The following DYNLT2B variants were observed in gnomAD, a reference collection of about 807,000 sequenced individuals.
DYNLT2B encodes dynein light chain Tctex-type 2B.
DYNLT2B carries 14 observed loss-of-function variants against 19.5 expected under a neutral mutation model. The observed-to-expected ratio is 0.72, with a 90% CI of 0.47 to 1.12. The LOEUF is 1.12. Ranked by LOEUF, DYNLT2B falls within the 50% of genes most tolerant of loss-of-function variation. The pLI is 0.00. For synonymous variants in DYNLT2B, 70 were observed against 59.7 expected (o/e 1.17, Z -0.79); for missense variants, 133 against 174.7 (o/e 0.76, Z 1.35).
chr3:196,308,475 G>C (rs776799950), intron 2 of DYNLT2B, among the ~76,000 whole-genome samples: 3 of 152,192 alleles, frequency 2.0e-5, no homozygotes, highest in Non-Finnish European at 4.4e-5. Flanking sequence ...AAACTACGTT[G>C]CTAAAGCAGC....
intron 4 of DYNLT2B, chr3:196,292,431 G>C (rs1726114208): frequency 6.6e-6 from 1 of 152,190 alleles, no homozygotes; most frequent in African/African-American, 2.4e-5. Context: ...CTACGACAGT[G>C]CTGTGATAAA....
intron 2 of DYNLT2B, among the ~76,000 whole-genome samples, chr3:196,311,518 G>A (rs1411176685): frequency 6.6e-6 from 1 of 151,998 alleles, no homozygotes; most frequent in Non-Finnish European, 1.5e-5. Context: ...GTAACGAATG[G>A]AATAGGAAAC....
At chr3:196,312,389 T>C (rs1726666529) in intron 2 of DYNLT2B, among the ~76,000 whole-genome samples, 2 of 151,964 alleles carry the variant, frequency 1.3e-5, no homozygotes, top group Non-Finnish European at 2.9e-5. Flanking sequence ...TACCACTGAA[T>C]GTCAGAGGGC....
intron 2 of DYNLT2B, among the ~76,000 whole-genome samples, chr3:196,315,633 G>A (rs574400656): frequency 6.6e-6 from 1 of 152,008 alleles, no homozygotes; most frequent in East Asian, 2.0e-4. Flanking sequence ...AGCACCTTGA[G>A]AGGCCGAGGC....
chr3:196,295,854 A>G, intron 4 of DYNLT2B, 152 bp downstream of exon 4: 7 of 654,302 alleles, frequency 1.1e-5, no homozygotes. Context: ...CTGCTTTAGT[A>G]ACACAAAAAC....
chr3:196,316,934 GGT>G lies in DYNLT2B; in HGVS notation c.114-705_114-704del, dbSNP rs367746234. Reference sequence around the variant, plus strand: ...TGTGTGGTGTGTGTGTGTGTTGTGTGGTGTGTGTGTGTGTGTGTAAAGTTAGT... The same window carrying G: ...TGTGTGGTGTGTGTGTGTGTTGTGTGGTGTGTGTGTGTGTGTAAAGTTAGT... On this transcript the variant is annotated intron_variant, in intron 1 of 4. Coordinates refer to ENST00000325318, the MANE Select transcript of DYNLT2B (RefSeq NM_152773.5). Among the ~76,000 whole-genome samples, 137 of 76,684 alleles carry G rather than the reference GGT, an allele frequency of 1.8e-3. 3 individuals are homozygous for G. Among genetic ancestry groups the G allele is most frequent in the African/African-American group, 4.7e-3 (111 of 23,676 alleles). 50.3% of individuals were successfully genotyped at this position (76,684 alleles called of 152,430 possible).
chr3:196,310,679 C>A lies in DYNLT2B; in HGVS notation c.248-3667G>T, dbSNP rs143017992. Among the ~76,000 whole-genome samples the A allele has an allele frequency of 4.4e-3, 667 of 151,990 alleles. 16 individuals carry two copies. The South Asian group carries it at 0.07, about 16-fold the overall frequency. On this transcript the variant is annotated intron_variant, in intron 2 of 4. Transcript: ENST00000325318. Reference sequence around the variant, plus strand: ...CTGACCTCAAGTGATCCACCTGCTTCTGCCTCCCAAAGTTCTGGGATTACA... The same window carrying A: ...CTGACCTCAAGTGATCCACCTGCTTATGCCTCCCAAAGTTCTGGGATTACA...
chr3:196,296,126 A>AT, intron 3 of DYNLT2B, 57 bp from the exon 4 acceptor site: 1 of 1,423,006 alleles, frequency 7.0e-7, no homozygotes, highest in Non-Finnish European at 9.9e-7. Context: ...TAAACGACAC[A>AT]TATCTGCCAC....
At chr3:196,296,233 TA>T (rs1726220082) in intron 3 of DYNLT2B, 164 bp from the exon 4 acceptor site, 1 of 604,800 alleles carries the variant, frequency 1.7e-6, no homozygotes, top group South Asian at 2.2e-5. Flanking sequence ...CCAGAGAGTA[TA>T]CTGGGTAAAC....
At chr3:196,312,419 G>A (rs566507303) in intron 2 of DYNLT2B, among the ~76,000 whole-genome samples, 3 of 150,730 alleles carry the variant, frequency 2.0e-5, no homozygotes, top group African/African-American at 7.3e-5. Flanking sequence ...CAAGGGTCAA[G>A]AAAATAAATT....
At chr3:196,297,503 C>T (rs1004847795) in intron 3 of DYNLT2B, among the ~76,000 whole-genome samples, 57 of 151,716 alleles carry the variant, frequency 3.8e-4, no homozygotes, top group Admixed American at 3.3e-4. Flanking sequence ...CCAGCCTTGG[C>T]GACAGAGTGA....
At chr3:196,299,940 A>G (rs1726310982) in intron 3 of DYNLT2B, among the ~76,000 whole-genome samples, 1 of 152,166 alleles carries the variant, frequency 6.6e-6, no homozygotes, top group East Asian at 1.9e-4. Context: ...CAAAAATAGA[A>G]TAAAATAAAA....
At position 196,317,281 on chromosome 3, in the gene DYNLT2B, T is replaced by TGTTG. The variant is rs200869314; in HGVS notation, c.113+758_113+759insCAAC. ...CATTTTTTTTCAGTGTGTGTGTGTG[T>TGTTG]TGTGTGTGTGTGTGTGTGTAAAGTT... On this transcript the variant is annotated intron_variant, in intron 1 of 4. Transcript: ENST00000325318. Among the ~76,000 whole-genome samples the TGTTG allele has an allele frequency of 1.9e-4, 10 of 52,674 alleles. 3 individuals carry two copies. The highest frequency in any genetic ancestry group is 3.1e-4 in the Non-Finnish European group (8 of 25,868). 34.6% of individuals were successfully genotyped at this position (52,674 alleles called of 152,430 possible).
chr3:196,317,253 T>TTAATCCTAGCGA (rs1726870832), intron 1 of DYNLT2B, among the ~76,000 whole-genome samples: 1 of 101,778 alleles, frequency 9.8e-6, no homozygotes, highest in Non-Finnish European at 2.1e-5. Flanking sequence ...CCCGTGAGCC[T>TTAATCCTAGCGA]GACATTTTTT....
chr3:196,298,237 C>G (rs1726269614), intron 3 of DYNLT2B: 2 of 259,560 alleles, frequency 7.7e-6, no homozygotes, highest in Non-Finnish European at 1.5e-5. Flanking sequence ...GAATCAAGCA[C>G]ACACCACAAG....
rs1174420703 is a variant in DYNLT2B, at chr3:196,318,189, A to C, written c.-37T>G. Reference sequence around the variant, plus strand: ...TCGGTCCGGGCGTAGCTCGCGATGAAGGCCTAGCGGGTTGCGGTCGCGGCC... The same window carrying C: ...TCGGTCCGGGCGTAGCTCGCGATGACGGCCTAGCGGGTTGCGGTCGCGGCC... On this transcript the variant is annotated 5_prime_UTR_variant, in exon 1 of 5. Transcript: ENST00000325318. 5 of 1,312,822 alleles carry C rather than the reference A, an allele frequency of 3.8e-6. No homozygotes were observed. Among genetic ancestry groups the C allele is most frequent in the Non-Finnish European group, 5.1e-6 (5 of 977,932 alleles). 81.3% of individuals were successfully genotyped at this position (1,312,822 alleles called of 1,614,324 possible).
At chr3:196,304,786 G>A (rs1267907216) in intron 3 of DYNLT2B, among the ~76,000 whole-genome samples, 1 of 152,058 alleles carries the variant, frequency 6.6e-6, no homozygotes, top group African/African-American at 2.4e-5. Context: ...TGGCTAGAGA[G>A]GACATACCAT....
intron 3 of DYNLT2B, among the ~76,000 whole-genome samples, chr3:196,304,825 G>A (rs1014730213): frequency 2.6e-5 from 4 of 152,108 alleles, no homozygotes; most frequent in African/African-American, 9.7e-5. Context: ...ACTTACAGCT[G>A]ACTTCTCAAC....
At chr3:196,291,419 C>T (rs1560184379) in intron 4 of DYNLT2B, 45 bp from the exon 5 acceptor site, 4 of 1,573,580 alleles carry the variant, frequency 2.5e-6, no homozygotes, top group Non-Finnish European at 1.7e-6. Flanking sequence ...AATGTTAGTA[C>T]TAAAGAGGGA....
Sources: allele counts gnomAD v4.1 joint callset (sites outside exome capture counted in the v4.1 genomes callset), GRCh38; gene constraint gnomAD v4.1.1; transcripts MANE v1.5; gene names NCBI Gene and HGNC (gene_info 2026-07-23, HGNC 2026-07-21).